Variants in NDST1 observed in about 807,000 individuals in gnomAD.
NDST1 encodes N-deacetylase and N-sulfotransferase 1, also known as bifunctional heparan sulfate N-deacetylase/N-sulfotransferase 1.
A neutral mutation model predicts 92.8 loss-of-function variants in NDST1; 35 were observed. The ratio of observed to expected loss-of-function variants is 0.38; its 90% CI spans 0.29 to 0.50. The LOEUF is 0.50. NDST1 is among the 20% of genes least tolerant of loss of function. The pLI is 0.94. For synonymous variants in NDST1, 493 were observed against 500.3 expected (o/e 0.99, Z 0.19); for missense variants, 822 against 1,182.7 (o/e 0.69, Z 4.47).
At position 150,522,983 on chromosome 5, in the gene NDST1, C is replaced by T. The variant is rs993872425; in HGVS notation, c.513+1216C>T. ...AGATGGGTCAGAAGTGGCCTGTGTC[C>T]GCTGCTGGGTGCCCGTTTGTGCCAG... On this transcript the variant is annotated intron_variant, in intron 2 of 14. Coordinates refer to ENST00000261797, the MANE Select transcript of NDST1 (RefSeq NM_001543.5). Among the ~76,000 whole-genome samples the T allele has an allele frequency of 4.6e-5, 7 of 152,280 alleles. No homozygotes were observed. In the East Asian group the frequency reaches 1.2e-3, roughly 25 times the overall value.
chr5:150,548,076 T>G, intron 11 of NDST1, 142 bp from the exon 12 acceptor site: 3 of 912,066 alleles, frequency 3.3e-6, no homozygotes, highest in Non-Finnish European at 5.2e-6. Flanking sequence ...CTGGACACAG[T>G]GAGAGGCAGA....
In NDST1 at chr5:150,553,366, A is replaced by G; in HGVS notation, c.*34A>G. 6.2e-7 allele frequency: 1 copy of G among 1,608,416 alleles called. No homozygotes were observed. The highest frequency in any genetic ancestry group is 8.5e-7 in the Non-Finnish European group (1 of 1,176,112). ...ACCACAGCCAGACTGAACGTTTGTG[A>G]AAGCTGGGACATCCCACCACACGCT... On this transcript the variant is annotated 3_prime_UTR_variant, in exon 15 of 15. Transcript: ENST00000261797. This position sits in a 1 kb window ranked among gnomAD's most constrained non-coding sequence, Gnocchi z 4.2.
At chr5:150,529,113 C>G (rs4958338) in intron 3 of NDST1, among the ~76,000 whole-genome samples, 1 of 151,840 alleles carries the variant, frequency 6.6e-6, no homozygotes, top group Non-Finnish European at 1.5e-5. Flanking sequence ...GTTTGCTGGC[C>G]GGGTGTGGTG....
chr5:150,506,135 G>C (rs569011539), upstream of NDST1, among the ~76,000 whole-genome samples: 356 of 152,308 alleles, frequency 2.3e-3, 3 homozygotes, highest in African/African-American at 8.3e-3. Flanking sequence ...TTTTGAGAGA[G>C]GGTCTAGCTG....
chr5:150,533,118 C>A, intron 4 of NDST1, 86 bp downstream of exon 4: 2 of 1,346,956 alleles, frequency 1.5e-6, no homozygotes, highest in Non-Finnish European at 2.1e-6. Flanking sequence ...ATGAGGGCAG[C>A]GGGTGGGTTT....
chr5:150,518,939 A>T (rs1754114761), intron 1 of NDST1: 1 of 151,808 alleles, frequency 6.6e-6, no homozygotes, highest in Admixed American at 6.6e-5. Context: ...ACCACGCCCG[A>T]CTAGTTTTTG....
chr5:150,516,791 G>A (rs942033744), intron 1 of NDST1, among the ~76,000 whole-genome samples: 14 of 152,070 alleles, frequency 9.2e-5, no homozygotes, highest in Non-Finnish European at 1.8e-4. Context: ...TCAGCCTCCC[G>A]AGTAGCTGGA....
At chr5:150,515,904 C>G (rs569656652) in intron 1 of NDST1, among the ~76,000 whole-genome samples, 1 of 152,076 alleles carries the variant, frequency 6.6e-6, no homozygotes, top group Admixed American at 6.6e-5. Context: ...GTGCTGGAAG[C>G]CCCCTTTGCC....
At position 150,551,773 on chromosome 5, in the gene NDST1, T is replaced by G. The variant is rs573765554; in HGVS notation, c.2447T>G (p.Phe816Cys). Residue 816 changes from phenylalanine (F) to cysteine (C), a missense_variant, in exon 14 of 15, where the codon TTT becomes TGT. Coordinates refer to ENST00000261797, the MANE Select transcript of NDST1 (RefSeq NM_001543.5). The part of the protein sequence containing the change: ...KTLAFDPKKG[F>C]WCQLLEGGKT... ...CACAGGTTTGATCCAAAGAAAGGAT[T>G]TTGGTGCCAACTGCTTGAAGGAGGA... is the stretch of plus-strand genomic sequence containing the variant. 10 of 1,613,406 alleles carry G rather than the reference T, an allele frequency of 6.2e-6. No individual in the cohort carries two copies. The South Asian group carries it at 9.9e-5, about 16-fold the overall frequency.
At position 150,553,517 on chromosome 5, in the gene NDST1, C is replaced by CGCTG. The variant is rs542412892; in HGVS notation, c.*187_*190dup. On this transcript the variant is annotated 3_prime_UTR_variant, in exon 15 of 15. Transcript: ENST00000261797. This position sits in a 1 kb window ranked among gnomAD's most constrained non-coding sequence, Gnocchi z 4.2. ...TCTGCAAGCACCTCGGAGCACCCAC[C>CGCTG]GCTGGGTCTGCGGCCTAAGGGACCT... 1,618 of 783,350 alleles carry CGCTG rather than the reference C, an allele frequency of 2.1e-3. 5 individuals are homozygous for CGCTG. Among genetic ancestry groups the CGCTG allele is most frequent in the Middle Eastern group, 4.2e-3 (11 of 2,600 alleles). The allele number at this position is 783,350 out of a possible 1,614,324, so 48.5% of individuals were successfully genotyped here.
At position 150,542,967 on chromosome 5, in the gene NDST1, G is replaced by A. The variant is rs150320391; in HGVS notation, c.1966G>A (p.Asp656Asn). ...TGGCCACAACTATCACAAAGGCATC[G>A]ACTGGTGAGTTGGCCTTTCTGTCCA... ...FNGHNYHKGI[D>N]WYMEFFPIPS... The change falls in exon 10 of 15, where the codon GAC becomes AAC. Residue 656 changes from aspartate to asparagine, a missense_variant. By Grantham distance (23) the Asp-to-Asn change is conservative. Transcript: ENST00000261797. 1.9e-5 allele frequency: 30 copies of A among 1,613,864 alleles called. No individual in the cohort carries two copies. Among genetic ancestry groups the A allele is most frequent in the African/African-American group, 4.0e-5 (3 of 74,930 alleles).
chr5:150,513,028 C>T (rs1462284566), intron 1 of NDST1, among the ~76,000 whole-genome samples: 1 of 152,090 alleles, frequency 6.6e-6, no homozygotes, highest in Non-Finnish European at 1.5e-5. Context: ...CATAGGGATA[C>T]CTTGTCTGTA....
At chr5:150,503,382 C>T (rs1753315282), upstream of NDST1, among the ~76,000 whole-genome samples, 1 of 152,170 alleles carries the variant, frequency 6.6e-6, no homozygotes, top group South Asian at 2.1e-4. Flanking sequence ...GTGGAGGTTG[C>T]TTGTGGTGAG....
chr5:150,551,907 T>C (rs1466338258), intron 14 of NDST1, 52 bp downstream of exon 14: 6 of 1,601,644 alleles, frequency 3.7e-6, no homozygotes, highest in Non-Finnish European at 5.1e-6. Flanking sequence ...AAGGGGTCCC[T>C]GTATGGAGTT....
At chr5:150,499,987 T>C (rs545947642) in intron 1 of NDST1, among the ~76,000 whole-genome samples, 36 of 152,308 alleles carry the variant, frequency 2.4e-4, no homozygotes, top group African/African-American at 6.7e-4. Context: ...TTCTTCTCCA[T>C]TGGGCCTCTC....
intron 1 of NDST1, among the ~76,000 whole-genome samples, chr5:150,516,304 C>T (rs1213144228): frequency 6.6e-6 from 1 of 152,194 alleles, no homozygotes; most frequent in Non-Finnish European, 1.5e-5. Flanking sequence ...CTTGAAAGTG[C>T]TTCGTGAGCT....
In NDST1 at chr5:150,558,048, C is replaced by T. The variant is rs1301468087; in HGVS notation, c.*4716C>T. ...ACACTGGGGAAGCAGGCAGAGGTTT[C>T]CTTCCCTTGTAGGGGGGTGGGGAGA... On this transcript the variant is annotated 3_prime_UTR_variant, in exon 15 of 15. Coordinates refer to ENST00000261797, the MANE Select transcript of NDST1 (RefSeq NM_001543.5). 1 of 147,852 alleles carries T rather than the reference C, an allele frequency of 6.8e-6. No individual in the cohort carries two copies. Among genetic ancestry groups the T allele is most frequent in the African/African-American group, 2.5e-5 (1 of 39,546 alleles). The allele number at this position is 147,852 out of a possible 1,614,324, so 9.2% of individuals were successfully genotyped here.
In NDST1 at chr5:150,548,320, C is replaced by T. The variant is rs749744290; in HGVS notation, c.2248C>T (p.Arg750Cys). ...ASSKLRALQNRCLVPGWYATH... is the reference protein window; with the variant it reads ...ASSKLRALQNCCLVPGWYATH... ...CTCGAAGCTGCGTGCCCTCCAGAAC[C>T]GCTGCCTGGTCCCTGGCTGGTACGC... Residue 750 changes from arginine (R) to cysteine (C), a missense_variant, in exon 12 of 15, where the codon CGC becomes TGC. Transcript: ENST00000261797. 8 of 1,614,102 alleles carry T rather than the reference C, an allele frequency of 5.0e-6. No individual in the cohort carries two copies. Among genetic ancestry groups the T allele is most frequent in the East Asian group, 2.2e-5 (1 of 44,884 alleles).
chr5:150,542,517 C>T (rs1189920775), intron 9 of NDST1, among the ~76,000 whole-genome samples: 9 of 152,156 alleles, frequency 5.9e-5, no homozygotes, highest in Non-Finnish European at 1.2e-4. Context: ...TTCTGGGATG[C>T]TGAGGGGACA....
Sources: gnomAD v4.1 joint callset for allele counts (sites outside exome capture counted in the v4.1 genomes callset) on GRCh38, gnomAD v4.1.1 for gene constraint, Gnocchi (gnomAD v3.1) non-coding constraint, MANE v1.5 for transcripts, NCBI Gene and HGNC (gene_info 2026-07-23, HGNC 2026-07-21) for gene names.